NCK1: variants seen among roughly 807,000 people sequenced by gnomAD.
NCK1 encodes the protein SH2/SH3 adapter protein NCK1.
NCK1 carries 19 observed loss-of-function variants against 36.6 expected under a neutral mutation model. That is an observed-to-expected ratio of 0.52 (90% CI 0.36 to 0.76). The LOEUF is 0.76. Among genes scored for constraint, NCK1 ranks in the 30% least tolerant of loss-of-function variants. The pLI is 0.00. For synonymous variants in NCK1, 165 were observed against 156.0 expected, an observed-to-expected ratio of 1.06 and a Z score of -0.43; for missense variants, 358 against 445.6, an observed-to-expected ratio of 0.80 and a Z score of 1.77.
intron 1 of NCK1, among the ~76,000 whole-genome samples, chr3:136,894,187 G>A (rs1475408288): frequency 6.6e-6 from 1 of 152,138 alleles, no homozygotes. Context: ...GTGGCTTTAG[G>A]CTCCGTGAAC....
intron 1 of NCK1, among the ~76,000 whole-genome samples, chr3:136,925,778 T>G (rs1359203485): frequency 6.6e-6 from 1 of 152,228 alleles, no homozygotes; most frequent in Non-Finnish European, 1.5e-5. Flanking sequence ...TTTTGACTGT[T>G]AGAAATAAAG....
chr3:136,926,269 T>TTAG (rs1191165587), intron 1 of NCK1, among the ~76,000 whole-genome samples: 1 of 150,844 alleles, frequency 6.6e-6, no homozygotes, highest in Non-Finnish European at 1.5e-5. Context: ...TTAAATTTTA[T>TTAG]TATTATTATT....
chr3:136,882,720 T>A (rs9874887), intron 1 of NCK1, among the ~76,000 whole-genome samples: 103,530 of 151,906 alleles, frequency 0.68, 35,566 homozygotes, highest in East Asian at 0.87. Context: ...GATTTTAGGG[T>A]CCAGGCTAGA....
rs1940919306 is a variant in NCK1, at chr3:136,949,521, T to C, written c.*1068T>C. 1 of 151,508 alleles carries C rather than the reference T, an allele frequency of 6.6e-6. No individual in the cohort carries two copies. The highest frequency in any genetic ancestry group is 1.5e-5 in the Non-Finnish European group (1 of 67,900). The allele number at this position is 151,508 out of a possible 1,614,324, so 9.4% of individuals were successfully genotyped here. A position where few individuals can be genotyped will look rare whatever the true frequency, so the allele number is the denominator to read the frequency against. On this transcript the variant is annotated 3_prime_UTR_variant, in exon 4 of 4. Transcript: ENST00000481752. ...ATATTATTTTTAATTTTTTAATTTG[T>C]TTTTTAACCAAGTAGGAATTTGGGT...
chr3:136,877,712 T>C (rs1253697847), intron 1 of NCK1, among the ~76,000 whole-genome samples: 3 of 152,196 alleles, frequency 2.0e-5, no homozygotes, highest in Admixed American at 6.6e-5. Context: ...GCGAGTGAAC[T>C]GATGGGAAAC....
At chr3:136,939,377 G>A (rs181336413) in intron 2 of NCK1, among the ~76,000 whole-genome samples, 21 of 152,100 alleles carry the variant, frequency 1.4e-4, no homozygotes, top group African/African-American at 5.1e-4. Context: ...TAGCTAAAGA[G>A]TTTTCAATTT....
intron 1 of NCK1, chr3:136,899,422 T>TC (rs548079779): frequency 2.6e-4 from 72 of 279,742 alleles, no homozygotes; most frequent in Non-Finnish European, 4.0e-4. Flanking sequence ...TTCTTTTCTT[T>TC]TTTTTTTTTT....
chr3:136,866,328 G>A (rs1347567320), intron 1 of NCK1, among the ~76,000 whole-genome samples: 1 of 143,656 alleles, frequency 7.0e-6, no homozygotes, highest in South Asian at 2.2e-4. Context: ...TTTTTTTTGA[G>A]ACAGAGTCTC....
chr3:136,879,326 A>G (rs1938865413), intron 1 of NCK1, among the ~76,000 whole-genome samples: 1 of 152,188 alleles, frequency 6.6e-6, no homozygotes, highest in African/African-American at 2.4e-5. Flanking sequence ...AATATTCAAG[A>G]AAAATTCCCA....
intron 1 of NCK1, among the ~76,000 whole-genome samples, chr3:136,869,112 T>C (rs755008602): frequency 1.3e-5 from 2 of 151,840 alleles, no homozygotes; most frequent in Non-Finnish European, 2.9e-5. Flanking sequence ...TGGTGGTGCA[T>C]GCCTGTAGTC....
At chr3:136,928,432 C>T in intron 2 of NCK1, 1 of 563,840 alleles carries the variant, frequency 1.8e-6, no homozygotes, top group Admixed American at 3.3e-5. Context: ...TAGGCCCATG[C>T]TCCAAGTCAA....
At chr3:136,933,051 C>T (rs1940435365) in intron 2 of NCK1, among the ~76,000 whole-genome samples, 1 of 152,164 alleles carries the variant, frequency 6.6e-6, no homozygotes, top group South Asian at 2.1e-4. Flanking sequence ...TAAAACTCTA[C>T]ATTAAAATTT....
At position 136,948,432 on chromosome 3, in the gene NCK1, T is replaced by C; in HGVS notation, c.1113T>C (p.Tyr371=). 6.2e-7 allele frequency: 1 copy of C among 1,612,452 alleles called. No homozygotes were observed. Among genetic ancestry groups the C allele is most frequent in the African/African-American group, 1.3e-5 (1 of 74,966 alleles). ...CAAGTGAACAAGGAGAAAAATTATA[T>C]CTTGTCAAGCATTTATCATGATACT... ...IFTSEQGEKL[Y]LVKHLS The change falls in exon 4 of 4, where the codon TAT becomes TAC. Residue 371 remains tyrosine (Y), a synonymous_variant. Transcript: ENST00000481752.
chr3:136,866,132 C>T (rs1169934700), intron 1 of NCK1, among the ~76,000 whole-genome samples: 1 of 152,118 alleles, frequency 6.6e-6, no homozygotes, highest in African/African-American at 2.4e-5. Flanking sequence ...AATTCATAGC[C>T]TAATAACAGT....
In NCK1 at chr3:136,930,508, A is replaced by T. The variant is rs536595577; in HGVS notation, c.226+2281A>T. 3.1e-5 allele frequency: 43 copies of T among 1,374,500 alleles called. No homozygotes were observed. The Middle Eastern group carries it at 5.6e-4, about 18-fold the overall frequency. 85.1% of individuals were successfully genotyped at this position (1,374,500 alleles called of 1,614,324 possible). On this transcript the variant is annotated intron_variant, in intron 2 of 3. Transcript: ENST00000481752. ...AGAACAGACGAGGAAGCTCACTGAG[A>T]ATTATCCTGAGCTGTGTTAACAAAC...
chr3:136,924,104 G>T (rs1226832528), intron 1 of NCK1, among the ~76,000 whole-genome samples: 1 of 152,132 alleles, frequency 6.6e-6, no homozygotes, highest in African/African-American at 2.4e-5. Context: ...TTTGATGGGG[G>T]AACTTTATAA....
At chr3:136,947,406 G>A (rs549654924) in intron 3 of NCK1, among the ~76,000 whole-genome samples, 105 of 152,208 alleles carry the variant, frequency 6.9e-4, no homozygotes, top group African/African-American at 2.3e-3. Context: ...ATTGAGTGTA[G>A]ATATTAGACA....
At chr3:136,941,239 T>C (rs973045643) in intron 2 of NCK1, among the ~76,000 whole-genome samples, 3 of 151,500 alleles carry the variant, frequency 2.0e-5, no homozygotes, top group African/African-American at 7.3e-5. Flanking sequence ...GACACTTATA[T>C]GTCAGCCTCT....
intron 1 of NCK1, among the ~76,000 whole-genome samples, chr3:136,907,579 G>A (rs1698721863): frequency 6.6e-6 from 1 of 152,172 alleles, no homozygotes; most frequent in Admixed American, 6.5e-5. Context: ...TCCTGGTTGA[G>A]CAGGCTGTCT....
Sources: allele counts gnomAD v4.1 joint callset (sites outside exome capture counted in the v4.1 genomes callset), GRCh38; gene constraint gnomAD v4.1.1; transcripts MANE v1.5; gene names NCBI Gene and HGNC (gene_info 2026-07-23, HGNC 2026-07-21).